SFMBT2: variants seen among roughly 807,000 people sequenced by gnomAD.
SFMBT2 encodes scm-like with four MBT domains protein 2.
In SFMBT2, 38 loss-of-function variants were observed where a neutral mutation model predicts 110.1. The ratio of observed to expected loss-of-function variants is 0.35; its 90% CI spans 0.27 to 0.45. The LOEUF (loss-of-function observed/expected upper bound fraction) is 0.45. SFMBT2 is among the 20% of genes least tolerant of loss of function. The probability of loss-of-function intolerance (pLI) is 1.00; values close to 1 mark genes in which losing one functional copy is unlikely to be tolerated. For missense variants in SFMBT2, 1,011 were observed against 1,094.9 expected (o/e 0.92, Z 1.08); for synonymous variants, 425 against 425.4 (o/e 1.00, Z 0.01).
intron 7 of SFMBT2, among the ~76,000 whole-genome samples, chr10:7,268,135 A>G (rs942803401): frequency 1.3e-5 from 2 of 152,220 alleles, no homozygotes; most frequent in Non-Finnish European, 2.9e-5. Context: ...AATGTCAGAC[A>G]CGTGACATGT....
chr10:7,251,077 C>T (rs1840790022), intron 7 of SFMBT2, among the ~76,000 whole-genome samples: 1 of 151,862 alleles, frequency 6.6e-6, no homozygotes, highest in African/African-American at 2.4e-5. Flanking sequence ...CTCAATTATA[C>T]TGATTTGATC....
chr10:7,342,341 T>G (rs902950222), intron 4 of SFMBT2, among the ~76,000 whole-genome samples: 5 of 148,514 alleles, frequency 3.4e-5, no homozygotes, highest in African/African-American at 1.2e-4. Context: ...AACCAGAATA[T>G]CCTTCTAGAA....
chr10:7,225,410 C>T (rs968503603), intron 10 of SFMBT2, among the ~76,000 whole-genome samples: 2 of 152,198 alleles, frequency 1.3e-5, no homozygotes, highest in Non-Finnish European at 2.9e-5. Flanking sequence ...AAAAAATGAA[C>T]TCGTAATACG....
At chr10:7,357,567 A>G (rs1323294495) in intron 4 of SFMBT2, among the ~76,000 whole-genome samples, 1 of 152,224 alleles carries the variant, frequency 6.6e-6, no homozygotes, top group Non-Finnish European at 1.5e-5. Context: ...TTTTGGGCTC[A>G]CTGGTCATCC....
Position 7,230,749 on chromosome 10 carries a change from A to G in SFMBT2, c.1121-2812T>C, listed in dbSNP as rs183523839. Among the ~76,000 whole-genome samples the G allele has an allele frequency of 4.6e-5, 7 of 152,272 alleles. No homozygotes were observed. In the South Asian group the frequency reaches 8.3e-4, roughly 18 times the overall value. On this transcript the variant is annotated intron_variant, in intron 9 of 20. Coordinates refer to ENST00000397167, the MANE Select transcript of SFMBT2 (RefSeq NM_001387889.1). ...GGAGTTTGAGAACAGCCTGACCAAC[A>G]TCGTAAAACCTTGTCTCTACTACAA...
At chr10:7,357,805 GC>G (rs1324899437) in intron 4 of SFMBT2, among the ~76,000 whole-genome samples, 1 of 152,236 alleles carries the variant, frequency 6.6e-6, no homozygotes, top group Non-Finnish European at 1.5e-5. Context: ...TTCCCTGAGA[GC>G]CAGGCTCAAA....
chr10:7,363,566 T>A (rs1238074547), intron 4 of SFMBT2, among the ~76,000 whole-genome samples: 2 of 152,198 alleles, frequency 1.3e-5, no homozygotes, highest in Non-Finnish European at 2.9e-5. Flanking sequence ...CAGGCTTGTC[T>A]CGAACGCCTG....
At chr10:7,229,319 G>T (rs141023879) in intron 9 of SFMBT2, among the ~76,000 whole-genome samples, 2 of 152,044 alleles carry the variant, frequency 1.3e-5, no homozygotes, top group Non-Finnish European at 2.9e-5. Context: ...GGTGGCTCAC[G>T]CCTGTAATCC....
At chr10:7,227,594 T>C (rs1311153276) in intron 10 of SFMBT2, among the ~76,000 whole-genome samples, 4 of 152,184 alleles carry the variant, frequency 2.6e-5, no homozygotes, top group Non-Finnish European at 5.9e-5. Flanking sequence ...CCTGGGCTCT[T>C]CCATAAGTGA....
chr10:7,260,277 C>T (rs1351949751), intron 7 of SFMBT2, among the ~76,000 whole-genome samples: 1 of 152,170 alleles, frequency 6.6e-6, no homozygotes, highest in Non-Finnish European at 1.5e-5. Flanking sequence ...CCTACTCGAC[C>T]TGGTATAAAC....
intron 16 of SFMBT2, among the ~76,000 whole-genome samples, chr10:7,179,391 GAAAAA>G (rs57497418): frequency 5.7e-5 from 4 of 70,296 alleles, no homozygotes; most frequent in Non-Finnish European, 1.0e-4. Flanking sequence ...TTGCATTTTC[GAAAAA>G]AAAAAAAAAA....
chr10:7,268,189 T>C (rs1841453612), intron 7 of SFMBT2, among the ~76,000 whole-genome samples: 1 of 152,214 alleles, frequency 6.6e-6, no homozygotes, highest in Non-Finnish European at 1.5e-5. Context: ...CCTCTAGCCC[T>C]AGTTTTAAAA....
chr10:7,370,233 C>T, intron 3 of SFMBT2, 48 bp downstream of exon 3: 3 of 1,529,824 alleles, frequency 2.0e-6, no homozygotes, highest in African/African-American at 1.4e-5. Flanking sequence ...TAGATTCCTT[C>T]CCTTCCCACT....
chr10:7,375,091 T>C (rs922752248), intron 2 of SFMBT2, among the ~76,000 whole-genome samples: 2 of 152,148 alleles, frequency 1.3e-5, no homozygotes, highest in Non-Finnish European at 2.9e-5. Context: ...GAAAACCGAC[T>C]AGGAAAAGCT....
chr10:7,260,066 C>G (rs961669552), intron 7 of SFMBT2, among the ~76,000 whole-genome samples: 2 of 152,178 alleles, frequency 1.3e-5, no homozygotes, highest in African/African-American at 4.8e-5. Context: ...GCTTTGCATG[C>G]ACAGGACAAT....
intron 16 of SFMBT2, among the ~76,000 whole-genome samples, chr10:7,185,185 T>A (rs568979838): frequency 6.6e-6 from 1 of 152,208 alleles, no homozygotes; most frequent in Non-Finnish European, 1.5e-5. Flanking sequence ...CGTGATCCAG[T>A]GAATTTAGGT....
chr10:7,334,181 A>G (rs1228891125), intron 4 of SFMBT2, among the ~76,000 whole-genome samples: 1 of 152,182 alleles, frequency 6.6e-6, no homozygotes, highest in East Asian at 1.9e-4. Context: ...AGCGTCATCC[A>G]CAGCCGGCCT....
chr10:7,248,755 T>C (rs925581575), intron 7 of SFMBT2, 106 bp from the exon 8 acceptor site: 19 of 867,690 alleles, frequency 2.2e-5, no homozygotes, highest in Middle Eastern at 2.3e-4. Flanking sequence ...CAAAATCTTA[T>C]GGAGACAATT....
intron 9 of SFMBT2, chr10:7,228,549 A>C: frequency 1.8e-5 from 3 of 167,004 alleles, no homozygotes; most frequent in Non-Finnish European, 3.7e-5. Flanking sequence ...GAACATGAGA[A>C]TTGCAGGAGG....
Sources: gnomAD v4.1 joint callset for allele counts (sites outside exome capture counted in the v4.1 genomes callset) on GRCh38, gnomAD v4.1.1 for gene constraint, MANE v1.5 for transcripts, NCBI Gene and HGNC (gene_info 2026-07-23, HGNC 2026-07-21) for gene names.